GABRB2: variants seen among roughly 807,000 people sequenced by gnomAD.
The protein encoded by GABRB2 is gamma-aminobutyric acid type A receptor subunit beta2, also known as gamma-aminobutyric acid receptor subunit beta-2.
GABRB2 carries 16 observed loss-of-function variants against 54.7 expected under a neutral mutation model. That is an observed-to-expected ratio of 0.29 (90% CI 0.20 to 0.44). The LOEUF (loss-of-function observed/expected upper bound fraction) is 0.44. Ranked by LOEUF, GABRB2 falls within the 20% of genes least tolerant of loss-of-function variation. The pLI is 1.00. For missense variants in GABRB2, 355 were observed against 644.0 expected, an observed-to-expected ratio of 0.55 and a Z score of 4.86; for synonymous variants, 244 against 233.8, an observed-to-expected ratio of 1.04 and a Z score of -0.40.
chr5:161,369,415 G>A (rs1755066867), intron 5 of GABRB2, among the ~76,000 whole-genome samples: 1 of 152,136 alleles, frequency 6.6e-6, no homozygotes, highest in African/African-American at 2.4e-5. Flanking sequence ...TCAAACATAT[G>A]AGTGAATAGC....
rs1481519067 is a variant in GABRB2 at position 161,351,163 on chromosome 5, T to G, written c.542-14394A>C. Among the ~76,000 whole-genome samples, 5 of 152,198 alleles carry G rather than the reference T, an allele frequency of 3.3e-5. No homozygotes were observed. In the East Asian group the frequency reaches 9.7e-4, roughly 29 times the overall value. On this transcript the variant is annotated intron_variant, in intron 5 of 9. Coordinates refer to ENST00000393959, the MANE Select transcript of GABRB2 (RefSeq NM_001371727.1). Reference sequence around the variant, plus strand: ...CATTAAATGCACTCCTTATCAAAATTCCAATGACATTTTTCCAGAAATAGA... The same window carrying G: ...CATTAAATGCACTCCTTATCAAAATGCCAATGACATTTTTCCAGAAATAGA...
chr5:161,515,343 A>G (rs1759904679), intron 3 of GABRB2, among the ~76,000 whole-genome samples: 1 of 152,128 alleles, frequency 6.6e-6, no homozygotes. Flanking sequence ...CTATTATTAG[A>G]AAATATGTTC....
intron 5 of GABRB2, among the ~76,000 whole-genome samples, chr5:161,367,929 T>C (rs1755016322): frequency 1.3e-5 from 2 of 152,086 alleles, no homozygotes; most frequent in Admixed American, 6.6e-5. Flanking sequence ...AAAATAAAAC[T>C]TCCCAAGTCC....
chr5:161,480,011 T>C (rs1029292565), intron 3 of GABRB2, among the ~76,000 whole-genome samples: 3 of 152,128 alleles, frequency 2.0e-5, no homozygotes, highest in Non-Finnish European at 1.5e-5. Flanking sequence ...GACTTCATAA[T>C]CCCTGTATTC....
chr5:161,486,655 C>T (rs541829991), intron 3 of GABRB2, among the ~76,000 whole-genome samples: 14 of 151,914 alleles, frequency 9.2e-5, no homozygotes, highest in African/African-American at 2.9e-4. Flanking sequence ...TAAATTTATT[C>T]ATCATCTCGG....
intron 4 of GABRB2, among the ~76,000 whole-genome samples, chr5:161,457,679 C>T (rs1423650049): frequency 2.0e-5 from 3 of 152,028 alleles, no homozygotes; most frequent in Non-Finnish European, 2.9e-5. Context: ...ATCTCCTGAC[C>T]TCGTGATCCG....
rs368271742 is a variant in GABRB2 at position 161,289,228 on chromosome 5, G to T, written c.*4853C>A. ...AAAAACCTAGTAGCTTTTTAAGAGT[G>T]CTGCTTTTTTTTTTTTTTTTTGTAC... On this transcript the variant is annotated 3_prime_UTR_variant, in exon 10 of 10. Coordinates refer to ENST00000393959, the MANE Select transcript of GABRB2 (RefSeq NM_001371727.1). 1 of 69,712 alleles carries T rather than the reference G, an allele frequency of 1.4e-5. No individual in the cohort carries two copies. The highest frequency in any genetic ancestry group is 1.2e-4 in the African/African-American group (1 of 8,110). 4.3% of individuals were successfully genotyped at this position (69,712 alleles called of 1,614,324 possible).
chr5:161,300,108 A>T (rs1330516859), intron 9 of GABRB2, among the ~76,000 whole-genome samples: 1 of 152,104 alleles, frequency 6.6e-6, no homozygotes, highest in Admixed American at 6.5e-5. Context: ...TTGGGAGCAA[A>T]ATTACAAGGT....
intron 4 of GABRB2, among the ~76,000 whole-genome samples, chr5:161,428,307 GT>G (rs1757071088): frequency 6.6e-6 from 1 of 151,920 alleles, no homozygotes; most frequent in Non-Finnish European, 1.5e-5. Flanking sequence ...GTGTGTGTGT[GT>G]GTGTGTGTGT....
chr5:161,365,270 G>C (rs1754940826), intron 5 of GABRB2, among the ~76,000 whole-genome samples: 1 of 152,154 alleles, frequency 6.6e-6, no homozygotes. Flanking sequence ...ATGAGGCCCA[G>C]ATGAAATGGC....
chr5:161,327,887 G>T (rs1443300830), intron 8 of GABRB2, among the ~76,000 whole-genome samples: 1 of 152,122 alleles, frequency 6.6e-6, no homozygotes, highest in African/African-American at 2.4e-5. Flanking sequence ...CAGTTGAAAA[G>T]AAGGGACATT....
chr5:161,479,195 C>T (rs2113321270), intron 3 of GABRB2, among the ~76,000 whole-genome samples: 1 of 152,138 alleles, frequency 6.6e-6, no homozygotes, highest in Middle Eastern at 3.4e-3. Flanking sequence ...AAAATTGACA[C>T]CAAAGTGTCT....
chr5:161,353,839 AC>A (rs1488026705), intron 5 of GABRB2, among the ~76,000 whole-genome samples: 2 of 151,946 alleles, frequency 1.3e-5, no homozygotes, highest in Admixed American at 6.6e-5. Context: ...AAAACAAAAA[AC>A]CTAAAGTACT....
rs550662724 is a variant in GABRB2, at chr5:161,523,057, A to T, written c.237+22170T>A. On this transcript the variant is annotated intron_variant, in intron 3 of 9. Transcript: ENST00000393959. Reference sequence around the variant, plus strand: ...ATCATTTAATTTTTGGAATCTTTTGAGCTTGATACTATTATTATTTATATT... The same window carrying T: ...ATCATTTAATTTTTGGAATCTTTTGTGCTTGATACTATTATTATTTATATT... Among the ~76,000 whole-genome samples the T allele has an allele frequency of 7.3e-5, 11 of 151,600 alleles. No individual in the cohort carries two copies. In the South Asian group the frequency reaches 2.3e-3, roughly 31 times the overall value.
chr5:161,336,842 A>C lies in GABRB2; in HGVS notation c.542-73T>G. ...AAAAAAAAAAACAGACAAAACAGAA[A>C]AAAATACCTGTTTAGAAGATGACCT... On this transcript the variant is annotated intron_variant, in intron 5 of 9. Transcript: ENST00000393959. 3 of 1,486,220 alleles carry C rather than the reference A, an allele frequency of 2.0e-6. No homozygotes were observed. In the South Asian group the frequency reaches 3.8e-5, roughly 19 times the overall value. 92.1% of individuals were successfully genotyped at this position (1,486,220 alleles called of 1,614,324 possible).
intron 4 of GABRB2, among the ~76,000 whole-genome samples, chr5:161,413,425 C>T (rs1302446106): frequency 6.6e-6 from 1 of 151,996 alleles, no homozygotes; most frequent in Non-Finnish European, 1.5e-5. Flanking sequence ...ATGGGATTTA[C>T]CAAATTCTTA....
intron 3 of GABRB2, among the ~76,000 whole-genome samples, chr5:161,482,973 A>G (rs1248697382): frequency 5.3e-5 from 8 of 152,006 alleles, no homozygotes; most frequent in Non-Finnish European, 7.4e-5. Context: ...TTTTCAAAAA[A>G]TATGTGTCAT....
chr5:161,297,991 G>T (rs1259934140), intron 9 of GABRB2, among the ~76,000 whole-genome samples: 6 of 152,070 alleles, frequency 3.9e-5, no homozygotes, highest in Non-Finnish European at 8.8e-5. Flanking sequence ...GGCCTGAGAT[G>T]GTATCTCATT....
chr5:161,405,658 C>T (rs1443214537), intron 5 of GABRB2, among the ~76,000 whole-genome samples: 2 of 151,990 alleles, frequency 1.3e-5, no homozygotes, highest in Admixed American at 6.6e-5. Context: ...GTGCTATCGA[C>T]GTTTACCTGG....
Sources: gnomAD v4.1 joint callset for allele counts (sites outside exome capture counted in the v4.1 genomes callset) on GRCh38, gnomAD v4.1.1 for gene constraint, MANE v1.5 for transcripts, NCBI Gene and HGNC (gene_info 2026-07-23, HGNC 2026-07-21) for gene names.